ASZ1: variants seen among roughly 807,000 people sequenced by gnomAD.
ASZ1 encodes the protein ankyrin repeat, SAM and basic leucine zipper domain-containing protein 1.
A neutral mutation model predicts 61.8 loss-of-function variants in ASZ1; 67 were observed. The ratio of observed to expected loss-of-function variants is 1.08; its 90% confidence interval spans 0.89 to 1.33. The LOEUF is 1.33. Ranked by LOEUF, ASZ1 falls within the 40% of genes most tolerant of loss-of-function variation. ASZ1 has a pLI of 0.00. For missense variants in ASZ1, 577 were observed against 554.5 expected (o/e 1.04, Z -0.41); for synonymous variants, 193 against 192.7 (o/e 1.00, Z -0.01).
At chr7:117,410,625 C>T (rs1304241519) in intron 4 of ASZ1, among the ~76,000 whole-genome samples, 1 of 151,310 alleles carries the variant, frequency 6.6e-6, no homozygotes, top group Non-Finnish European at 1.5e-5. Context: ...AAAACCAATA[C>T]ACTAAAGTTA....
At chr7:117,392,631 C>T (rs139461190) in intron 4 of ASZ1, among the ~76,000 whole-genome samples, 3 of 152,122 alleles carry the variant, frequency 2.0e-5, no homozygotes, top group Admixed American at 2.0e-4. Context: ...TAGAATAATA[C>T]AATAAGCAAA....
chr7:117,420,329 G>T lies in ASZ1; in HGVS notation c.329-55C>A, dbSNP rs924792015. 3.1e-6 allele frequency: 4 copies of T among 1,283,130 alleles called. No individual in the cohort carries two copies. In the African/African-American group the frequency reaches 4.4e-5, roughly 14 times the overall value. The allele number at this position is 1,283,130 out of a possible 1,614,324, so 79.5% of individuals were successfully genotyped here. On this transcript the variant is annotated intron_variant, in intron 3 of 12. Transcript: ENST00000284629. ...CCCCATACATCAAGAGCATCTATTC[G>T]ATGTCTTTACCACTCAAAACATTCT...
At chr7:117,413,418 A>G (rs1796933799) in intron 4 of ASZ1, among the ~76,000 whole-genome samples, 1 of 152,060 alleles carries the variant, frequency 6.6e-6, no homozygotes, top group Non-Finnish European at 1.5e-5. Context: ...TGCCTATTAC[A>G]CAGCAAATGT....
intron 4 of ASZ1, among the ~76,000 whole-genome samples, chr7:117,395,550 G>A (rs568746912): frequency 6.6e-6 from 1 of 151,814 alleles, no homozygotes; most frequent in South Asian, 2.1e-4. Context: ...TATTTTACTT[G>A]GTGTAGTTTT....
intron 4 of ASZ1, among the ~76,000 whole-genome samples, chr7:117,400,578 A>C (rs1390013746): frequency 6.6e-6 from 1 of 152,186 alleles, no homozygotes; most frequent in East Asian, 1.9e-4. Context: ...GGTCTACTAA[A>C]GCACTGAGAA....
At position 117,427,353 on chromosome 7, in the gene ASZ1, TA is replaced by T. The variant is rs1562864468; in HGVS notation, c.105+2del. 1 of 1,614,146 alleles carries T rather than the reference TA, an allele frequency of 6.2e-7. No homozygotes were observed. The highest frequency in any genetic ancestry group is 8.5e-7 in the Non-Finnish European group (1 of 1,179,962). ...GTGGTCAAGACAAGGCCTCCTCCGC[TA>T]CCTGAGACGTCCGGTCGAGATACCC... On this transcript the variant is annotated splice_donor_variant, in intron 1 of 12. Coordinates refer to ENST00000284629, the MANE Select transcript of ASZ1 (RefSeq NM_130768.3). LOFTEE classifies it high-confidence loss of function.
intron 7 of ASZ1, 103 bp downstream of exon 7, chr7:117,382,883 T>G: frequency 1.6e-6 from 2 of 1,221,438 alleles, no homozygotes; most frequent in South Asian, 4.0e-5. Context: ...TTGTAAACAT[T>G]TAAAATATCA....
intron 4 of ASZ1, among the ~76,000 whole-genome samples, chr7:117,407,714 T>C (rs1796813208): frequency 6.6e-6 from 1 of 152,190 alleles, no homozygotes; most frequent in South Asian, 2.1e-4. Context: ...TATGTAATGA[T>C]AAAATGCCTA....
chr7:117,399,493 T>A (rs1449529927), intron 4 of ASZ1, among the ~76,000 whole-genome samples: 2 of 152,240 alleles, frequency 1.3e-5, no homozygotes, highest in Non-Finnish European at 2.9e-5. Context: ...GAGTCTTTCA[T>A]CTTCTAACTC....
chr7:117,385,647 A>G, intron 5 of ASZ1, 51 bp downstream of exon 5: 1 of 1,405,634 alleles, frequency 7.1e-7, no homozygotes, highest in Admixed American at 1.9e-5. Context: ...TTTTTTGTAG[A>G]TTACTGATAA....
rs1797075579 is a variant in ASZ1 at position 117,420,249 on chromosome 7, T to C, written c.354A>G (p.Ala118=). 1.2e-6 allele frequency: 2 copies of C among 1,612,356 alleles called. No homozygotes were observed. Among genetic ancestry groups the C allele is most frequent in the Non-Finnish European group, 1.7e-6 (2 of 1,179,610 alleles). The change falls in exon 4 of 13, where the codon GCA becomes GCG. Residue 118 remains alanine (A), a synonymous_variant. Transcript: ENST00000284629. ...EKDKQSILIT[A]CSAHGSEEQI... is the part of the protein sequence containing the mutation. ...GTTCCTCTGAGCCATGAGCAGAACA[T>C]GCAGTTATCAAAATACTTTGCTTAT...
At chr7:117,402,961 C>CTTGG (rs2116504399) in intron 4 of ASZ1, among the ~76,000 whole-genome samples, 1 of 151,934 alleles carries the variant, frequency 6.6e-6, no homozygotes, top group South Asian at 2.1e-4. Flanking sequence ...TAGAAAAAGA[C>CTTGG]TTAGCATGAT....
chr7:117,371,009 G>A (rs1796040930), intron 10 of ASZ1, among the ~76,000 whole-genome samples: 1 of 152,024 alleles, frequency 6.6e-6, no homozygotes, highest in African/African-American at 2.4e-5. Context: ...ATTTTTAGTA[G>A]AGATGGGGTT....
intron 10 of ASZ1, 134 bp from the exon 11 acceptor site, chr7:117,368,851 G>C (rs553172954): frequency 6.9e-7 from 1 of 1,445,488 alleles, no homozygotes; most frequent in African/African-American, 1.4e-5. Context: ...AGCTAATACA[G>C]ATTAGGTACT....
intron 6 of ASZ1, 63 bp from the exon 7 acceptor site, chr7:117,383,173 GAAACTGAACA>G (rs1796287793): frequency 7.2e-7 from 1 of 1,386,386 alleles, no homozygotes; most frequent in South Asian, 1.7e-5. Context: ...ACACTTAAAA[GAAACTGAACA>G]TACGATTATC....
intron 4 of ASZ1, among the ~76,000 whole-genome samples, chr7:117,387,772 CT>C (rs1203303858): frequency 1.3e-5 from 2 of 152,158 alleles, no homozygotes; most frequent in Non-Finnish European, 2.9e-5. Flanking sequence ...AGTTTATTGT[CT>C]TTGAAAATGC....
intron 4 of ASZ1, among the ~76,000 whole-genome samples, chr7:117,394,090 A>C (rs922861378): frequency 6.6e-6 from 1 of 152,068 alleles, no homozygotes; most frequent in African/African-American, 2.4e-5. Flanking sequence ...ATTTATCATA[A>C]ATACTCTCCC....
intron 4 of ASZ1, among the ~76,000 whole-genome samples, chr7:117,404,343 A>G (rs1366168706): frequency 1.4e-5 from 2 of 147,230 alleles, no homozygotes; most frequent in Admixed American, 1.4e-4. Context: ...TTTTTTTTTC[A>G]GTAGGTATCC....
intron 4 of ASZ1, among the ~76,000 whole-genome samples, chr7:117,410,741 G>C (rs977425625): frequency 6.8e-6 from 1 of 147,828 alleles, no homozygotes; most frequent in African/African-American, 2.6e-5. Flanking sequence ...AAAGATGTAA[G>C]AGGAAAAAAA....
Sources: allele counts gnomAD v4.1 joint callset (sites outside exome capture counted in the v4.1 genomes callset), GRCh38; gene constraint gnomAD v4.1.1; transcripts MANE v1.5; gene names NCBI Gene and HGNC (gene_info 2026-07-23, HGNC 2026-07-21).